The following TDP1 variants were observed in gnomAD, a reference collection of about 807,000 sequenced individuals.
The protein encoded by TDP1 is tyrosyl-DNA phosphodiesterase 1, also known as tyr-DNA phosphodiesterase 1.
TDP1 carries 64 observed loss-of-function variants against 81.5 expected under a neutral mutation model. That is an observed-to-expected ratio of 0.79 (90% CI 0.64 to 0.97). The LOEUF is 0.97. Among genes scored for constraint, TDP1 ranks in the 50% least tolerant of loss-of-function variants. TDP1 has a pLI of 0.00. For synonymous variants in TDP1, 256 were observed against 264.3 expected (o/e 0.97, Z 0.30); for missense variants, 723 against 743.8 (o/e 0.97, Z 0.33).
intron 3 of TDP1, 84 bp from the exon 4 acceptor site, chr14:89,966,063 G>A: frequency 9.8e-7 from 1 of 1,022,976 alleles, no homozygotes; most frequent in Non-Finnish European, 1.5e-6. Flanking sequence ...TTGATTGTCA[G>A]TGACTGTTGA....
chr14:90,036,205 G>A (rs1402024447), intron 16 of TDP1, among the ~76,000 whole-genome samples: 1 of 152,106 alleles, frequency 6.6e-6, no homozygotes, highest in South Asian at 2.1e-4. Flanking sequence ...AGAGACTGGA[G>A]CATTTTATTT....
intron 2 of TDP1, among the ~76,000 whole-genome samples, chr14:89,958,754 A>G (rs989162677): frequency 5.3e-5 from 8 of 152,098 alleles, no homozygotes; most frequent in African/African-American, 1.9e-4. Context: ...CAGGCTTTAA[A>G]CTGTCTTTGG....
intron 15 of TDP1, among the ~76,000 whole-genome samples, chr14:90,024,451 G>A (rs1886425448): frequency 6.6e-6 from 1 of 152,216 alleles, no homozygotes; most frequent in Non-Finnish European, 1.5e-5. Flanking sequence ...AGAGTGAGCT[G>A]AATGGGTCAT....
chr14:90,038,904 G>GTTT (rs10659096), intron 16 of TDP1, among the ~76,000 whole-genome samples: 71 of 146,594 alleles, frequency 4.8e-4, no homozygotes, highest in African/African-American at 1.6e-3. Context: ...CAGAAATGAA[G>GTTT]TTTTTTTTTT....
At chr14:89,976,821 G>A (rs887224622) in intron 7 of TDP1, among the ~76,000 whole-genome samples, 2 of 152,084 alleles carry the variant, frequency 1.3e-5, no homozygotes, top group African/African-American at 4.8e-5. Flanking sequence ...ACAGGTGTGA[G>A]CTACCATGCC....
intron 10 of TDP1, among the ~76,000 whole-genome samples, chr14:89,986,006 A>G (rs1041020422): frequency 2.6e-5 from 4 of 152,258 alleles, no homozygotes; most frequent in African/African-American, 9.6e-5. Context: ...CAACCTGGGC[A>G]ACAGAGCGAG....
chr14:89,968,160 CTT>C (rs61587248), intron 5 of TDP1, among the ~76,000 whole-genome samples: 13,685 of 127,606 alleles, frequency 0.11, 1,557 homozygotes, highest in African/African-American at 0.3. Flanking sequence ...GCACTTGGGG[CTT>C]TTTTTTTTTT....
chr14:89,989,219 G>T lies in TDP1; in HGVS notation c.1317+129G>T, dbSNP rs1306581305. 6 of 1,380,522 alleles carry T rather than the reference G, an allele frequency of 4.3e-6. No individual in the cohort carries two copies. In the East Asian group the frequency reaches 1.3e-4, roughly 30 times the overall value. The allele number at this position is 1,380,522 out of a possible 1,614,324, so 85.5% of individuals were successfully genotyped here. A position where few individuals can be genotyped will look rare whatever the true frequency, so the allele number is the denominator to read the frequency against. On this transcript the variant is annotated intron_variant, in intron 11 of 16. Coordinates refer to ENST00000335725, the MANE Select transcript of TDP1 (RefSeq NM_018319.4). Reference sequence around the variant, plus strand: ...TCTTTTTTTTTTTTTGGCGTGGCGGGGGCGGGGTGCGGAAAGAGCAGTACA... The same window carrying T: ...TCTTTTTTTTTTTTTGGCGTGGCGGTGGCGGGGTGCGGAAAGAGCAGTACA...
intron 7 of TDP1, 34 bp from the exon 8 acceptor site, chr14:89,980,506 A>G: frequency 1.3e-6 from 2 of 1,583,794 alleles, no homozygotes; most frequent in East Asian, 2.2e-5. Context: ...TGAAAGTACT[A>G]TTAATGCTTT....
intron 15 of TDP1, among the ~76,000 whole-genome samples, chr14:90,026,931 T>A (rs1886730830): frequency 6.6e-6 from 1 of 152,224 alleles, no homozygotes; most frequent in African/African-American, 2.4e-5. Context: ...CGTGTGCATG[T>A]GTCTTTATAG....
At chr14:90,019,664 C>T (rs965661770) in intron 15 of TDP1, among the ~76,000 whole-genome samples, 10 of 152,080 alleles carry the variant, frequency 6.6e-5, no homozygotes, top group Non-Finnish European at 1.3e-4. Flanking sequence ...GTGCTTCCAG[C>T]GAAATTAATA....
chr14:89,992,886 G>C (rs1896337342), intron 13 of TDP1: 1 of 976,150 alleles, frequency 1.0e-6, no homozygotes, highest in African/African-American at 1.8e-5. Context: ...ATTTGTGAAT[G>C]TCAGCATTTG....
At chr14:89,964,696 T>G (rs1265471868) in intron 3 of TDP1, among the ~76,000 whole-genome samples, 1 of 152,236 alleles carries the variant, frequency 6.6e-6, no homozygotes, top group African/African-American at 2.4e-5. Flanking sequence ...TCTTGGTACT[T>G]TGTCAAGTTT....
chr14:90,039,003 G>A (rs1888100511), intron 16 of TDP1, among the ~76,000 whole-genome samples: 1 of 151,868 alleles, frequency 6.6e-6, no homozygotes, highest in Admixed American at 6.6e-5. Flanking sequence ...CAAACAGAAG[G>A]CTAAAAGTAA....
At chr14:90,008,999 A>C (rs977275565) in intron 14 of TDP1, among the ~76,000 whole-genome samples, 1 of 152,228 alleles carries the variant, frequency 6.6e-6, no homozygotes, top group Admixed American at 6.5e-5. Flanking sequence ...ATGAGCTACC[A>C]TGTCCAGCTC....
At chr14:89,964,799 T>G (rs1287614320) in intron 3 of TDP1, 4 of 402,506 alleles carry the variant, frequency 9.9e-6, no homozygotes, top group African/African-American at 8.5e-5. Flanking sequence ...CACCAAGGTA[T>G]TGTGGTAACA....
chr14:89,956,960 T>C (rs1005672799), intron 2 of TDP1, 160 bp downstream of exon 2: 1 of 152,204 alleles, frequency 6.6e-6, no homozygotes, highest in African/African-American at 2.4e-5. Context: ...CCATTGATCA[T>C]TGCATAAAAT....
chr14:89,994,630 G>A (rs1377455359), intron 14 of TDP1, among the ~76,000 whole-genome samples: 2 of 152,216 alleles, frequency 1.3e-5, no homozygotes, highest in African/African-American at 4.8e-5. Context: ...AACACAAAGA[G>A]CCAGGAAGCA....
chr14:89,984,113 A>T (rs1895300721), intron 8 of TDP1: 1 of 985,292 alleles, frequency 1.0e-6, no homozygotes, highest in African/African-American at 1.7e-5. Flanking sequence ...CTTGCTTGGG[A>T]TTACCACTAG....
Sources: allele counts gnomAD v4.1 joint callset (sites outside exome capture counted in the v4.1 genomes callset), GRCh38; gene constraint gnomAD v4.1.1; transcripts MANE v1.5; gene names NCBI Gene and HGNC (gene_info 2026-07-23, HGNC 2026-07-21).